The following CEP162 variants were observed in gnomAD, a reference collection of about 807,000 sequenced individuals.
CEP162 encodes centrosomal protein 162, also known as centrosomal protein of 162 kDa.
In CEP162, 141 loss-of-function variants were observed where a neutral mutation model predicts 169.2. The ratio of observed to expected loss-of-function variants is 0.83; its 90% CI spans 0.73 to 0.96. CEP162 has a LOEUF of 0.96. Among genes scored for constraint, CEP162 ranks in the 40% least tolerant of loss-of-function variants. The pLI, the probability that CEP162 is intolerant of heterozygous loss-of-function variation, is 0.00. For synonymous variants in CEP162, 540 were observed against 526.4 expected (o/e 1.03, Z -0.35); for missense variants, 1,600 against 1,587.2 (o/e 1.01, Z -0.14).
chr6:84,157,656 GAC>G (rs1005829094), intron 21 of CEP162, among the ~76,000 whole-genome samples: 41 of 151,970 alleles, frequency 2.7e-4, no homozygotes, highest in African/African-American at 9.6e-4. Context: ...GACAGGGTGA[GAC>G]AACGTCTCAA....
intron 7 of CEP162, among the ~76,000 whole-genome samples, chr6:84,202,780 G>C (rs1423913661): frequency 2.0e-5 from 3 of 151,706 alleles, no homozygotes; most frequent in Admixed American, 1.3e-4. Context: ...TATTGTAATT[G>C]CCATATTCCA....
intron 25 of CEP162, among the ~76,000 whole-genome samples, chr6:84,139,251 T>C (rs1311003014): frequency 6.6e-6 from 1 of 152,214 alleles, no homozygotes; most frequent in Non-Finnish European, 1.5e-5. Context: ...TTTCCTACCA[T>C]ATATTTACAT....
intron 6 of CEP162, 80 bp downstream of exon 6, chr6:84,212,877 A>G (rs915971949): frequency 3.3e-6 from 3 of 911,466 alleles, no homozygotes; most frequent in Non-Finnish European, 5.1e-6. Context: ...TTTCCTTTTA[A>G]TTATTTTTCT....
At chr6:84,154,738 T>A (rs905891662) in intron 22 of CEP162, among the ~76,000 whole-genome samples, 1 of 152,190 alleles carries the variant, frequency 6.6e-6, no homozygotes, top group Non-Finnish European at 1.5e-5. Context: ...AATCTATAAC[T>A]GTTATTTGTC....
chr6:84,196,969 A>T (rs1479992376), intron 9 of CEP162, among the ~76,000 whole-genome samples: 1 of 152,224 alleles, frequency 6.6e-6, no homozygotes, highest in African/African-American at 2.4e-5. Context: ...ATGAGGAAAA[A>T]GGTCTTGCTT....
intron 21 of CEP162, among the ~76,000 whole-genome samples, chr6:84,159,548 T>TATATATATATATATATATA (rs1491229310): frequency 1.4e-4 from 2 of 14,252 alleles, no homozygotes; most frequent in African/African-American, 5.8e-4. Context: ...TATATATATA[T>TATATATATATATATATATA]TTTTTTTTTT....
intron 15 of CEP162, 48 bp downstream of exon 15, chr6:84,174,674 CTTTTT>C: frequency 1.5e-6 from 1 of 688,940 alleles, no homozygotes; most frequent in Non-Finnish European, 2.2e-6. Flanking sequence ...GGGAATTCAG[CTTTTT>C]TTTTTTTTAA....
At chr6:84,210,339 A>G (rs949799137) in intron 6 of CEP162, among the ~76,000 whole-genome samples, 5 of 152,208 alleles carry the variant, frequency 3.3e-5, no homozygotes, top group Admixed American at 1.3e-4. Context: ...GCCAATCTAG[A>G]GGACTTTCTC....
intron 6 of CEP162, among the ~76,000 whole-genome samples, chr6:84,212,124 G>A (rs1206131628): frequency 1.3e-5 from 2 of 151,954 alleles, no homozygotes; most frequent in Admixed American, 6.6e-5. Flanking sequence ...ACAAACAAAA[G>A]CTGAGAGAAC....
intron 21 of CEP162, among the ~76,000 whole-genome samples, chr6:84,158,878 T>C (rs1457517303): frequency 1.3e-5 from 2 of 151,914 alleles, no homozygotes; most frequent in Admixed American, 1.3e-4. Flanking sequence ...TGCTTTTTAA[T>C]ATTATTCTTT....
chr6:84,200,096 C>CA (rs2099543872), intron 9 of CEP162, among the ~76,000 whole-genome samples: 3 of 151,522 alleles, frequency 2.0e-5, no homozygotes, highest in African/African-American at 4.8e-5. Flanking sequence ...TAAAAAAATA[C>CA]AAAAAAATTA....
At chr6:84,130,801 C>T (rs966965331) in intron 25 of CEP162, among the ~76,000 whole-genome samples, 1 of 152,082 alleles carries the variant, frequency 6.6e-6, no homozygotes, top group Non-Finnish European at 1.5e-5. Flanking sequence ...TTTCAAAAAA[C>T]CAGCTCCTGA....
Position 84,152,959 on chromosome 6 carries a change from T to C in CEP162, c.3215A>G (p.Gln1072Arg), listed in dbSNP as rs1473896869. 1 of 1,613,698 alleles carries C rather than the reference T, an allele frequency of 6.2e-7. No individual in the cohort carries two copies. Among genetic ancestry groups the C allele is most frequent in the Non-Finnish European group, 8.5e-7 (1 of 1,179,764 alleles). ...CTGTTCCACCTGGAATTCTATAGAC[T>C]GAAAATCTTCATCATCTTTATCATT... ...KKNDKDDEDF[Q>R]SIEFQVEQAH... is the part of the protein sequence containing the mutation. Residue 1072 changes from glutamine to arginine, a missense_variant, in exon 23 of 27, where the codon CAG (glutamine) becomes CGG (arginine). Transcript: ENST00000403245.
At chr6:84,149,767 G>C in intron 23 of CEP162, 64 bp from the exon 24 acceptor site, 1 of 1,344,410 alleles carries the variant, frequency 7.4e-7, no homozygotes, top group East Asian at 2.5e-5. Flanking sequence ...TTCAGAGTTA[G>C]CACAAAAACA....
intron 19 of CEP162, among the ~76,000 whole-genome samples, chr6:84,162,529 C>T (rs559899468): frequency 2.3e-4 from 35 of 152,244 alleles, no homozygotes; most frequent in African/African-American, 7.9e-4. Context: ...CTTTCTATCC[C>T]TGTGTTCTGC....
chr6:84,177,248 T>C (rs2099532777), intron 13 of CEP162, among the ~76,000 whole-genome samples: 1 of 152,230 alleles, frequency 6.6e-6, no homozygotes, highest in Admixed American at 6.5e-5. Context: ...TGACTATTTA[T>C]TGAAGGATTC....
intron 15 of CEP162, 74 bp downstream of exon 15, chr6:84,174,653 T>C (rs1463315115): frequency 4.3e-6 from 3 of 700,336 alleles, no homozygotes; most frequent in Non-Finnish European, 4.6e-6. Flanking sequence ...AGGATGACAA[T>C]GTATTTAGCA....
At chr6:84,211,451 C>T (rs959093619) in intron 6 of CEP162, among the ~76,000 whole-genome samples, 1 of 144,282 alleles carries the variant, frequency 6.9e-6, no homozygotes, top group Non-Finnish European at 1.5e-5. Context: ...GGCATGAGCC[C>T]GGGAGGCGGA....
chr6:84,132,029 C>A (rs989803540), intron 25 of CEP162, among the ~76,000 whole-genome samples: 1 of 152,200 alleles, frequency 6.6e-6, no homozygotes, highest in Non-Finnish European at 1.5e-5. Context: ...TCTTGTAAGG[C>A]ATGCCTGGTG....
Sources: gnomAD v4.1 joint callset for allele counts (sites outside exome capture counted in the v4.1 genomes callset) on GRCh38, gnomAD v4.1.1 for gene constraint, MANE v1.5 for transcripts, NCBI Gene and HGNC (gene_info 2026-07-23, HGNC 2026-07-21) for gene names.